NCKAP5: variants seen among roughly 807,000 people sequenced by gnomAD.
The protein encoded by NCKAP5 is NCK associated protein 5.
A neutral mutation model predicts 167.0 loss-of-function variants in NCKAP5; 92 were observed. The observed-to-expected ratio is 0.55, with a 90% CI of 0.47 to 0.66. NCKAP5 has a LOEUF of 0.66. Ranked by LOEUF, NCKAP5 falls within the 30% of genes least tolerant of loss-of-function variation. The probability of loss-of-function intolerance (pLI) is 0.00; values close to 1 mark genes in which losing one functional copy is unlikely to be tolerated. For synonymous variants in NCKAP5, 891 were observed against 877.4 expected, an observed-to-expected ratio of 1.02 and a Z score of -0.27; for missense variants, 2,378 against 2,315.0, an observed-to-expected ratio of 1.03 and a Z score of -0.56.
chr2:132,794,294 AGAGAGAGAGAGAGGGT>A (rs1401352737), intron 12 of NCKAP5, among the ~76,000 whole-genome samples: 13 of 121,116 alleles, frequency 1.1e-4, no homozygotes, highest in African/African-American at 3.9e-4. Flanking sequence ...AGAGAGAGAG[AGAGAGAGAGAGAGGGT>A]GGCGGGAAGA....
intron 16 of NCKAP5, among the ~76,000 whole-genome samples, chr2:132,761,866 G>A (rs1336977916): frequency 2.0e-5 from 3 of 152,098 alleles, no homozygotes; most frequent in Non-Finnish European, 4.4e-5. Flanking sequence ...GCATGTACAT[G>A]TCAAGCCCAG....
chr2:133,165,375 C>T (rs935384352), intron 5 of NCKAP5, among the ~76,000 whole-genome samples: 1 of 152,156 alleles, frequency 6.6e-6, no homozygotes, highest in African/African-American at 2.4e-5. Flanking sequence ...TCAAGAAACT[C>T]CTATGTAAGA....
chr2:133,242,704 A>G (rs1283610297), intron 4 of NCKAP5, among the ~76,000 whole-genome samples: 1 of 152,220 alleles, frequency 6.6e-6, no homozygotes, highest in African/African-American at 2.4e-5. Flanking sequence ...ATACAAATGA[A>G]TGAGAAAATG....
chr2:133,605,517 T>C, the NCKAP5 span, among the ~76,000 whole-genome samples: 27 of 152,000 alleles, frequency 1.8e-4, no homozygotes, highest in African/African-American at 5.5e-4. Flanking sequence ...ATGAGCAGAG[T>C]TGGAGGATAT....
chr2:132,835,840 C>G (rs975112320), intron 11 of NCKAP5, among the ~76,000 whole-genome samples: 9 of 152,014 alleles, frequency 5.9e-5, no homozygotes, highest in Admixed American at 5.9e-4. Flanking sequence ...TCTCACCCAC[C>G]CTTCTCTACC....
chr2:133,147,940 A>G (rs2083258107), intron 5 of NCKAP5, among the ~76,000 whole-genome samples: 1 of 152,138 alleles, frequency 6.6e-6, no homozygotes, highest in Non-Finnish European at 1.5e-5. Flanking sequence ...AAGAACAGTA[A>G]CTTTTAATGG....
intron 5 of NCKAP5, among the ~76,000 whole-genome samples, chr2:133,181,122 T>G (rs2084712405): frequency 6.6e-6 from 1 of 150,962 alleles, no homozygotes; most frequent in South Asian, 2.1e-4. Flanking sequence ...ATTTCACAAC[T>G]GAAGCAAAAA....
chr2:132,970,341 T>C (rs2076795010), intron 7 of NCKAP5, among the ~76,000 whole-genome samples: 1 of 152,226 alleles, frequency 6.6e-6, no homozygotes, highest in African/African-American at 2.4e-5. Context: ...ACTGTGTATT[T>C]GTCTTACGAA....
chr2:133,531,565 C>T (rs764516952), intron 2 of NCKAP5, among the ~76,000 whole-genome samples: 1 of 151,920 alleles, frequency 6.6e-6, no homozygotes, highest in African/African-American at 2.4e-5. Context: ...TTTTCCTGTC[C>T]GATACTTACA....
intron 4 of NCKAP5, among the ~76,000 whole-genome samples, chr2:133,274,969 A>G (rs1170704700): frequency 6.6e-6 from 1 of 151,904 alleles, no homozygotes; most frequent in Non-Finnish European, 1.5e-5. Flanking sequence ...TAAAAAAAAA[A>G]CCATAAACAA....
chr2:133,557,301 T>C (rs2104995713), intron 2 of NCKAP5, among the ~76,000 whole-genome samples: 1 of 152,222 alleles, frequency 6.6e-6, no homozygotes, highest in Non-Finnish European at 1.5e-5. Context: ...CCTTTCCCAT[T>C]TGGCACAACT....
At chr2:132,952,734 T>A (rs1172510588) in intron 8 of NCKAP5, among the ~76,000 whole-genome samples, 2 of 152,202 alleles carry the variant, frequency 1.3e-5, no homozygotes, top group Non-Finnish European at 2.9e-5. Context: ...CAAAGGCTTT[T>A]GATGATGGTA....
intron 3 of NCKAP5, among the ~76,000 whole-genome samples, chr2:133,434,552 T>C (rs72846352): frequency 0.11 from 16,582 of 152,254 alleles, 967 homozygotes; most frequent in Middle Eastern, 0.19. Context: ...ATGGGGTTTA[T>C]AGTGACAATA....
upstream of NCKAP5, among the ~76,000 whole-genome samples, chr2:133,570,053 A>T (rs60546774): frequency 0.048 from 6,669 of 140,306 alleles, 449 homozygotes; most frequent in East Asian, 0.33. Context: ...CATCAATACA[A>T]GAAAACAAAA....
At chr2:132,763,033 C>T (rs1681148925) in intron 16 of NCKAP5, among the ~76,000 whole-genome samples, 1 of 152,202 alleles carries the variant, frequency 6.6e-6, no homozygotes. Context: ...TATCACAGCA[C>T]ACCATTGATC....
intron 3 of NCKAP5, among the ~76,000 whole-genome samples, chr2:133,361,174 T>A (rs565415773): frequency 6.6e-6 from 1 of 152,262 alleles, no homozygotes; most frequent in Admixed American, 6.5e-5. Context: ...CAATGTACCC[T>A]ACTTCTAATT....
intron 3 of NCKAP5, among the ~76,000 whole-genome samples, chr2:133,387,370 G>A (rs1354534417): frequency 1.3e-5 from 2 of 152,120 alleles, no homozygotes; most frequent in Admixed American, 6.5e-5. Flanking sequence ...GTTGAATATT[G>A]GCCCCCACTC....
At chr2:132,913,148 A>AT (rs1694589693) in intron 8 of NCKAP5, among the ~76,000 whole-genome samples, 1 of 151,994 alleles carries the variant, frequency 6.6e-6, no homozygotes, top group South Asian at 2.1e-4. Context: ...TAGCTGAATC[A>AT]TTTATTGAGA....
chr2:133,164,316 C>A (rs1040307974), intron 5 of NCKAP5, among the ~76,000 whole-genome samples: 9 of 152,236 alleles, frequency 5.9e-5, no homozygotes, highest in African/African-American at 2.2e-4. Flanking sequence ...ATTGTAGTCA[C>A]AGGAAGAGGA....
Sources: allele counts gnomAD v4.1 joint callset (sites outside exome capture counted in the v4.1 genomes callset), GRCh38; gene constraint gnomAD v4.1.1; transcripts MANE v1.5; gene names NCBI Gene and HGNC (gene_info 2026-07-23, HGNC 2026-07-21).